SGCZ: variants seen among roughly 807,000 people sequenced by gnomAD.
SGCZ encodes sarcoglycan zeta.
Under a neutral mutation model 41.3 loss-of-function variants are expected in SGCZ, and 40 were observed. The observed-to-expected ratio is 0.97, with a 90% CI of 0.75 to 1.26. The LOEUF (loss-of-function observed/expected upper bound fraction) is 1.26, where lower values mean the gene tolerates loss of function less well. Among genes scored for constraint, SGCZ ranks in the 50% most tolerant of loss-of-function variants. SGCZ has a pLI of 0.00. For missense variants in SGCZ, 552 were observed against 369.8 expected (o/e 1.49, Z -4.04); for synonymous variants, 206 against 137.5 (o/e 1.50, Z -3.49).
At chr8:15,159,905 C>G (rs935363611) in intron 1 of SGCZ, among the ~76,000 whole-genome samples, 2 of 151,640 alleles carry the variant, frequency 1.3e-5, no homozygotes, top group African/African-American at 4.9e-5. Flanking sequence ...TGTGCTACAA[C>G]TTTGTGCCAA....
chr8:15,201,395 C>T (rs1800884667), intron 1 of SGCZ, among the ~76,000 whole-genome samples: 1 of 152,170 alleles, frequency 6.6e-6, no homozygotes, highest in Non-Finnish European at 1.5e-5. Context: ...CCTATTTAGT[C>T]ATCTGTAATT....
chr8:14,092,675 G>C (rs891641295), intron 7 of SGCZ, among the ~76,000 whole-genome samples: 1 of 151,972 alleles, frequency 6.6e-6, no homozygotes, highest in African/African-American at 2.4e-5. Flanking sequence ...CCTTTCACTT[G>C]GTTCTCTCCT....
chr8:14,179,974 G>C (rs1374590755), intron 4 of SGCZ, among the ~76,000 whole-genome samples: 1 of 152,162 alleles, frequency 6.6e-6, no homozygotes, highest in Non-Finnish European at 1.5e-5. Context: ...GGGCCTCTCT[G>C]CCACAGCACT....
At chr8:14,270,624 T>C (rs542193292) in intron 3 of SGCZ, among the ~76,000 whole-genome samples, 16 of 152,270 alleles carry the variant, frequency 1.1e-4, no homozygotes, top group African/African-American at 3.8e-4. Context: ...GTGAAGCCTA[T>C]ACCTTTCTTC....
intron 1 of SGCZ, among the ~76,000 whole-genome samples, chr8:14,907,616 A>T (rs938800301): frequency 6.6e-6 from 1 of 152,162 alleles, no homozygotes; most frequent in Non-Finnish European, 1.5e-5. Context: ...CCAAGGTAGG[A>T]GTGTTGCTTG....
chr8:14,988,613 C>A (rs1425694359), intron 1 of SGCZ, among the ~76,000 whole-genome samples: 1 of 151,860 alleles, frequency 6.6e-6, no homozygotes, highest in Non-Finnish European at 1.5e-5. Flanking sequence ...TTTTTCTTAA[C>A]ATTTTCAATG....
chr8:14,506,583 G>A (rs994416214), intron 2 of SGCZ, among the ~76,000 whole-genome samples: 3 of 151,514 alleles, frequency 2.0e-5, no homozygotes, highest in African/African-American at 7.3e-5. Flanking sequence ...CCCTTCACAG[G>A]CAAAAACCTT....
Position 14,774,934 on chromosome 8 carries a change from A to T in SGCZ, c.40-220008T>A, listed in dbSNP as rs957614738. 1.3e-5 allele frequency among the ~76,000 whole-genome samples: 2 copies of T among 152,214 alleles called. 1 individual carries two copies. Among genetic ancestry groups the T allele is most frequent in the Admixed American group, 1.3e-4 (2 of 15,276 alleles). ...ATATTAAGGGCCTTTGAAGGTTTTA[A>T]TCTGACAATCTAAGAAAATTGTCAT... is the stretch of plus-strand genomic sequence containing the variant. On this transcript the variant is annotated intron_variant, in intron 1 of 7. Transcript: ENST00000382080.
chr8:14,763,266 A>C (rs1799945240), intron 1 of SGCZ, among the ~76,000 whole-genome samples: 1 of 152,072 alleles, frequency 6.6e-6, no homozygotes, highest in South Asian at 2.1e-4. Context: ...GATACTGTTC[A>C]TTGCAGCCAC....
Position 14,378,895 on chromosome 8 carries a change from AT to A in SGCZ, c.235-54692del, listed in dbSNP as rs1180263692. Among the ~76,000 whole-genome samples, 35 of 152,330 alleles carry A rather than the reference AT, an allele frequency of 2.3e-4. No individual in the cohort carries two copies. In the South Asian group the frequency reaches 5.6e-3, roughly 24 times the overall value. ...ATACATATTAACAGACCTAAAAAAAATCTTTATTTGACTTATAAGAGCTTTT... is the reference window on the plus strand; with the variant it reads ...ATACATATTAACAGACCTAAAAAAAACTTTATTTGACTTATAAGAGCTTTT... On this transcript the variant is annotated intron_variant, in intron 2 of 7. Coordinates refer to ENST00000382080, the MANE Select transcript of SGCZ (RefSeq NM_139167.4).
At chr8:14,154,008 GGAGTCTTTATCA>G (rs1803799511) in intron 5 of SGCZ, among the ~76,000 whole-genome samples, 1 of 151,946 alleles carries the variant, frequency 6.6e-6, no homozygotes, top group African/African-American at 2.4e-5. Context: ...AAGCTAGTAA[GGAGTCTTTATCA>G]GAGCCTGACC....
intron 1 of SGCZ, among the ~76,000 whole-genome samples, chr8:14,802,181 C>A (rs902567839): frequency 6.6e-6 from 1 of 152,112 alleles, no homozygotes; most frequent in Non-Finnish European, 1.5e-5. Context: ...AAGGGGAAAA[C>A]CTTGGAGTCA....
At chr8:14,642,275 A>T (rs1183623015) in intron 1 of SGCZ, among the ~76,000 whole-genome samples, 4 of 151,654 alleles carry the variant, frequency 2.6e-5, no homozygotes, top group Non-Finnish European at 5.9e-5. Flanking sequence ...TAACAATATC[A>T]TTATTATTTC....
chr8:15,058,141 C>A (rs1433088297), intron 1 of SGCZ, among the ~76,000 whole-genome samples: 1 of 152,118 alleles, frequency 6.6e-6, no homozygotes. Flanking sequence ...AGGTACCAAC[C>A]ATACACATGA....
chr8:14,485,041 A>C (rs1276029535), intron 2 of SGCZ, among the ~76,000 whole-genome samples: 1 of 152,238 alleles, frequency 6.6e-6, no homozygotes, highest in African/African-American at 2.4e-5. Flanking sequence ...AGGACTAAAA[A>C]TAATTATTTA....
chr8:15,111,546 G>A (rs569879730), intron 1 of SGCZ, among the ~76,000 whole-genome samples: 1 of 152,094 alleles, frequency 6.6e-6, no homozygotes, highest in Non-Finnish European at 1.5e-5. Context: ...TTGTAAATGG[G>A]ACCTTGAGCC....
intron 5 of SGCZ, among the ~76,000 whole-genome samples, chr8:14,110,916 G>A (rs1296778652): frequency 6.6e-6 from 1 of 151,996 alleles, no homozygotes; most frequent in East Asian, 1.9e-4. Context: ...AATTAGCTGG[G>A]CATGGTGGTG....
chr8:14,830,457 C>G (rs6990064), intron 1 of SGCZ, among the ~76,000 whole-genome samples: 14,903 of 152,108 alleles, frequency 0.098, 1,445 homozygotes, highest in African/African-American at 0.25. Context: ...TATTCTTCCT[C>G]TTTCTTTCTC....
chr8:14,122,644 G>A (rs1802735270), intron 5 of SGCZ, among the ~76,000 whole-genome samples: 1 of 152,154 alleles, frequency 6.6e-6, no homozygotes, highest in Admixed American at 6.6e-5. Flanking sequence ...CATAAGATAT[G>A]CATAAATGTC....
Sources: allele counts gnomAD v4.1 joint callset (sites outside exome capture counted in the v4.1 genomes callset), GRCh38; gene constraint gnomAD v4.1.1; transcripts MANE v1.5; gene names NCBI Gene and HGNC (gene_info 2026-07-23, HGNC 2026-07-21).